Variants in MAST2 observed in about 807,000 individuals in gnomAD.
MAST2 encodes the protein microtubule associated serine/threonine kinase 2.
A neutral mutation model predicts 147.4 loss-of-function variants in MAST2; 70 were observed. The ratio of observed to expected loss-of-function variants is 0.47; its 90% CI spans 0.39 to 0.58. The LOEUF (loss-of-function observed/expected upper bound fraction) is 0.58, where lower values mean the gene tolerates loss of function less well. MAST2 is among the 20% of genes least tolerant of loss of function. The probability of loss-of-function intolerance (pLI) is 0.00; values close to 1 mark genes in which losing one functional copy is unlikely to be tolerated. For missense variants in MAST2, 2,080 were observed against 2,302.3 expected (o/e 0.90, Z 1.98); for synonymous variants, 869 against 896.8 (o/e 0.97, Z 0.55).
chr1:45,992,116 T>TAG, intron 5 of MAST2, among the ~76,000 whole-genome samples: 1 of 152,022 alleles, frequency 6.6e-6, no homozygotes, highest in African/African-American at 2.4e-5. Flanking sequence ...TTGTTCCTGT[T>TAG]CTTGGAGAAA....
chr1:45,911,853 A>ATATTATTATTAT (rs10595888), intron 4 of MAST2, among the ~76,000 whole-genome samples: 15 of 135,792 alleles, frequency 1.1e-4, no homozygotes, highest in Non-Finnish European at 1.7e-4. Context: ...TATTATTGTT[A>ATATTATTATTAT]TATTATTATT....
At chr1:45,865,241 G>A (rs1210783818) in intron 3 of MAST2, 1 of 389,210 alleles carries the variant, frequency 2.6e-6, no homozygotes, top group East Asian at 7.2e-5. Context: ...TTTGAGGTAG[G>A]AGGCAGAGTG....
chr1:45,902,598 C>G (rs192898504), intron 4 of MAST2, among the ~76,000 whole-genome samples: 1 of 151,032 alleles, frequency 6.6e-6, no homozygotes, highest in African/African-American at 2.4e-5. Context: ...GCTGTGAATC[C>G]TTCTGGTCCT....
intron 3 of MAST2, among the ~76,000 whole-genome samples, chr1:45,868,531 C>A (rs1219978501): frequency 2.0e-5 from 3 of 152,062 alleles, no homozygotes; most frequent in Non-Finnish European, 4.4e-5. Context: ...ATGCACCCCC[C>A]CCAACCCCCT....
chr1:46,030,896 A>G, intron 22 of MAST2, 111 bp from the exon 23 acceptor site: 1 of 1,477,324 alleles, frequency 6.8e-7, no homozygotes, highest in East Asian at 2.4e-5. Flanking sequence ...CTCCTGGAGG[A>G]ATGTCTGCGG....
chr1:45,924,624 C>T (rs1485406518), intron 4 of MAST2, among the ~76,000 whole-genome samples: 6 of 152,120 alleles, frequency 3.9e-5, no homozygotes, highest in Non-Finnish European at 8.8e-5. Flanking sequence ...TTTTTTATCT[C>T]TCTTTTTTTA....
At chr1:45,952,317 G>A (rs542028821) in intron 4 of MAST2, among the ~76,000 whole-genome samples, 5 of 152,188 alleles carry the variant, frequency 3.3e-5, no homozygotes, top group Admixed American at 6.6e-5. Flanking sequence ...TCCAGAATAC[G>A]TAGAGTCCAC....
chr1:46,018,043 C>G (rs978400200), intron 10 of MAST2, among the ~76,000 whole-genome samples: 1 of 152,214 alleles, frequency 6.6e-6, no homozygotes, highest in African/African-American at 2.4e-5. Context: ...TGGCCACTTT[C>G]AGTTCCCATC....
intron 4 of MAST2, among the ~76,000 whole-genome samples, chr1:45,916,613 A>T (rs182938572): frequency 6.6e-6 from 1 of 152,244 alleles, no homozygotes; most frequent in South Asian, 2.1e-4. Flanking sequence ...AGCTAAACAA[A>T]TTGGTATTAT....
At chr1:45,834,168 G>A (rs1645038070) in intron 3 of MAST2, among the ~76,000 whole-genome samples, 1 of 151,876 alleles carries the variant, frequency 6.6e-6, no homozygotes, top group African/African-American at 2.4e-5. Context: ...TAGCAGAACA[G>A]GATTCACATA....
At chr1:45,825,077 G>T (rs992995539) in intron 2 of MAST2, among the ~76,000 whole-genome samples, 2 of 152,190 alleles carry the variant, frequency 1.3e-5, no homozygotes, top group Non-Finnish European at 2.9e-5. Flanking sequence ...CCAGGCTGGA[G>T]TGCAGTGGTG....
At position 45,888,131 on chromosome 1, in the gene MAST2, A is replaced by C. The variant is rs577785226; in HGVS notation, c.500+5736A>C. On this transcript the variant is annotated intron_variant, in intron 4 of 28. Coordinates refer to ENST00000361297, the MANE Select transcript of MAST2 (RefSeq NM_015112.3). ...ATATCGCTAGATCTCATAACTGTCC[A>C]TTCACCATAATGTGACTGAATATTT... is the stretch of plus-strand genomic sequence containing the variant. Among the ~76,000 whole-genome samples, 4 of 152,320 alleles carry C rather than the reference A, an allele frequency of 2.6e-5. No individual in the cohort carries two copies. The South Asian group carries it at 8.3e-4, about 32-fold the overall frequency.
intron 2 of MAST2, among the ~76,000 whole-genome samples, chr1:45,827,102 AC>A (rs1294020271): frequency 6.6e-6 from 1 of 152,190 alleles, no homozygotes; most frequent in Non-Finnish European, 1.5e-5. Flanking sequence ...TGCTGGAATT[AC>A]AGGCGGGAGC....
At chr1:45,914,349 T>C (rs1199815343) in intron 4 of MAST2, among the ~76,000 whole-genome samples, 1 of 152,216 alleles carries the variant, frequency 6.6e-6, no homozygotes, top group African/African-American at 2.4e-5. Flanking sequence ...GTGTGACCTC[T>C]ATTTTATTTC....
At chr1:45,813,337 A>AT (rs992923484) in intron 1 of MAST2, among the ~76,000 whole-genome samples, 275 of 148,288 alleles carry the variant, frequency 1.9e-3, no homozygotes, top group Non-Finnish European at 2.9e-3. Context: ...TATTATTATC[A>AT]TTTTTTTTTT....
chr1:46,033,668 G>A, intron 26 of MAST2, 134 bp from the exon 27 acceptor site: 1 of 1,132,270 alleles, frequency 8.8e-7, no homozygotes, highest in Admixed American at 2.3e-5. Context: ...ATATAGGCCT[G>A]TGGTTCAGAT....
intron 4 of MAST2, among the ~76,000 whole-genome samples, chr1:45,953,512 T>C (rs1659230115): frequency 6.6e-6 from 1 of 152,160 alleles, no homozygotes; most frequent in South Asian, 2.1e-4. Flanking sequence ...TGTTAGAAGA[T>C]GACAAATGCT....
chr1:45,931,303 T>C (rs1655247152), intron 4 of MAST2, among the ~76,000 whole-genome samples: 1 of 152,140 alleles, frequency 6.6e-6, no homozygotes, highest in Admixed American at 6.5e-5. Context: ...TGAATTTGTC[T>C]GTTATTTCCT....
At chr1:45,865,134 T>G in intron 3 of MAST2, 1 of 456,502 alleles carries the variant, frequency 2.2e-6, no homozygotes, top group Non-Finnish European at 4.4e-6. Flanking sequence ...AAGGAGAGGG[T>G]TACAGGTGAG....
Sources: allele counts gnomAD v4.1 joint callset (sites outside exome capture counted in the v4.1 genomes callset), GRCh38; gene constraint gnomAD v4.1.1; transcripts MANE v1.5; gene names NCBI Gene and HGNC (gene_info 2026-07-23, HGNC 2026-07-21).